CRACD: variants seen among roughly 807,000 people sequenced by gnomAD.
CRACD encodes the protein capping protein inhibiting regulator of actin dynamics.
Under a neutral mutation model 106.8 loss-of-function variants are expected in CRACD, and 56 were observed. The ratio of observed to expected loss-of-function variants is 0.52; its 90% CI spans 0.42 to 0.66. The LOEUF is 0.66. Among genes scored for constraint, CRACD ranks in the 30% least tolerant of loss-of-function variants. The pLI is 0.00. For synonymous variants in CRACD, 754 were observed against 670.8 expected (o/e 1.12, Z -1.92); for missense variants, 1,730 against 1,623.2 (o/e 1.07, Z -1.13).
Position 56,265,403 on chromosome 4 carries a change from G to GTGT in CRACD, c.-188-6918_-188-6917insTGT, listed in dbSNP as rs1741951358. Among the ~76,000 whole-genome samples, 396 of 77,430 alleles carry GTGT rather than the reference G, an allele frequency of 5.1e-3. 1 individual carries two copies. Among genetic ancestry groups the GTGT allele is most frequent in the East Asian group, 0.013 (17 of 1,338 alleles). The allele number at this position is 77,430 out of a possible 152,430, so 50.8% of individuals were successfully genotyped here. On this transcript the variant is annotated intron_variant, in intron 2 of 10. Coordinates refer to ENST00000682029, the MANE Select transcript of CRACD (RefSeq NM_001393381.1). The stretch of plus-strand genomic sequence containing the variant: ...AGTGTACTCAGGGGTATAGAGGAGG[G>GTGT]GTGTGTGTGTGTGTGTGTGTGTGTG...
intron 2 of CRACD, among the ~76,000 whole-genome samples, chr4:56,214,897 G>A (rs867602148): frequency 2.7e-5 from 4 of 147,486 alleles, no homozygotes; most frequent in Non-Finnish European, 4.5e-5. Flanking sequence ...CTATAATCCC[G>A]GCTGAGGCAG....
At chr4:56,083,422 C>T (rs188444562) in intron 1 of CRACD, among the ~76,000 whole-genome samples, 213 of 152,088 alleles carry the variant, frequency 1.4e-3, no homozygotes, top group African/African-American at 4.9e-3. Flanking sequence ...AGAAATTAAC[C>T]GTCAATTAAC....
At chr4:56,289,615 A>G (rs1284591667) in intron 3 of CRACD, among the ~76,000 whole-genome samples, 2 of 151,858 alleles carry the variant, frequency 1.3e-5, no homozygotes, top group East Asian at 3.9e-4. Flanking sequence ...TCGAAGCTGC[A>G]GTGAGCAGAG....
chr4:56,176,476 T>C (rs1736588457), intron 1 of CRACD, among the ~76,000 whole-genome samples: 2 of 147,878 alleles, frequency 1.4e-5, no homozygotes, highest in South Asian at 4.3e-4. Flanking sequence ...TCGTCCAGAC[T>C]GGAGTGCAGT....
intron 1 of CRACD, among the ~76,000 whole-genome samples, chr4:56,121,750 C>T (rs1041260913): frequency 5.3e-5 from 8 of 152,200 alleles, no homozygotes; most frequent in Non-Finnish European, 1.5e-5. Context: ...GCTGAATCCA[C>T]TTCCACAGAT....
chr4:56,160,259 C>T (rs138320651), intron 1 of CRACD, among the ~76,000 whole-genome samples: 3,416 of 151,016 alleles, frequency 0.023, 120 homozygotes, highest in African/African-American at 0.078. Context: ...CTCCACTCAC[C>T]GCAACCTCCA....
intron 1 of CRACD, among the ~76,000 whole-genome samples, chr4:56,147,555 C>T (rs1044690428): frequency 6.6e-6 from 1 of 152,158 alleles, no homozygotes; most frequent in African/African-American, 2.4e-5. Context: ...GCTTCTTTCA[C>T]TTAGCATAAT....
chr4:56,080,722 A>G (rs527521520), intron 1 of CRACD, among the ~76,000 whole-genome samples: 21 of 152,354 alleles, frequency 1.4e-4, no homozygotes, highest in African/African-American at 4.6e-4. Context: ...AGAAGATAGA[A>G]TTACAAAATA....
chr4:56,209,265 C>T (rs928361055), intron 2 of CRACD, among the ~76,000 whole-genome samples: 1 of 152,106 alleles, frequency 6.6e-6, no homozygotes, highest in Non-Finnish European at 1.5e-5. Flanking sequence ...TTTATTCCTT[C>T]AATTTGAAAC....
intron 1 of CRACD, among the ~76,000 whole-genome samples, chr4:56,089,373 T>C (rs2109817867): frequency 6.6e-6 from 1 of 152,342 alleles, no homozygotes; most frequent in East Asian, 1.9e-4. Context: ...GATTTGTTTT[T>C]CTGAGCCCTA....
chr4:56,088,183 A>C (rs74444649), intron 1 of CRACD, among the ~76,000 whole-genome samples: 4,491 of 147,202 alleles, frequency 0.031, 157 homozygotes, highest in African/African-American at 0.085. Context: ...CAAGGGGTAC[A>C]TGTGCAGGTT....
At chr4:56,104,905 T>C (rs1366960326) in intron 1 of CRACD, among the ~76,000 whole-genome samples, 2 of 148,252 alleles carry the variant, frequency 1.3e-5, no homozygotes, top group Non-Finnish European at 3.0e-5. Context: ...AGGCGGAACT[T>C]GCAATGAGCT....
At chr4:56,120,548 A>G (rs561059712) in intron 1 of CRACD, among the ~76,000 whole-genome samples, 17 of 152,346 alleles carry the variant, frequency 1.1e-4, no homozygotes, top group African/African-American at 3.8e-4. Flanking sequence ...CTTCACATCA[A>G]TTCACACAAG....
intron 2 of CRACD, among the ~76,000 whole-genome samples, chr4:56,197,222 G>A (rs528528532): frequency 3.0e-4 from 46 of 151,052 alleles, no homozygotes; most frequent in African/African-American, 1.1e-3. Flanking sequence ...TAACTTACAG[G>A]GAAACTGTCG....
At chr4:56,245,778 C>T (rs951432624) in intron 2 of CRACD, among the ~76,000 whole-genome samples, 2 of 152,168 alleles carry the variant, frequency 1.3e-5, no homozygotes, top group Non-Finnish European at 2.9e-5. Flanking sequence ...AACACTCAGT[C>T]CCCTATTGCC....
At chr4:56,310,549 C>T in intron 5 of CRACD, 117 bp from the exon 6 acceptor site, 1 of 718,162 alleles carries the variant, frequency 1.4e-6, no homozygotes, top group Non-Finnish European at 2.5e-6. Flanking sequence ...TCTCTGAGGC[C>T]AGCTGCACCC....
At chr4:56,223,995 G>A (rs1305424734) in intron 2 of CRACD, among the ~76,000 whole-genome samples, 1 of 152,150 alleles carries the variant, frequency 6.6e-6, no homozygotes. Flanking sequence ...CTGGCCTCAA[G>A]CAATCCTCCC....
chr4:56,303,310 C>T (rs1273146038), intron 4 of CRACD, among the ~76,000 whole-genome samples: 1 of 150,390 alleles, frequency 6.6e-6, no homozygotes, highest in Non-Finnish European at 1.5e-5. Context: ...GTGCCATTGG[C>T]ACTCCAGACT....
intron 2 of CRACD, among the ~76,000 whole-genome samples, chr4:56,188,798 A>G (rs1276065992): frequency 6.6e-6 from 1 of 151,508 alleles, no homozygotes; most frequent in Admixed American, 6.6e-5. Flanking sequence ...CTACTAAGTG[A>G]CCACCTCCTT....
Sources: gnomAD v4.1 joint callset for allele counts (sites outside exome capture counted in the v4.1 genomes callset) on GRCh38, gnomAD v4.1.1 for gene constraint, MANE v1.5 for transcripts, NCBI Gene and HGNC (gene_info 2026-07-23, HGNC 2026-07-21) for gene names.